PRKAA2: variants seen among roughly 807,000 people sequenced by gnomAD.
The protein encoded by PRKAA2 is 5'-AMP-activated protein kinase catalytic subunit alpha-2.
In PRKAA2, 40 loss-of-function variants were observed where a neutral mutation model predicts 56.3. That is an observed-to-expected ratio of 0.71 (90% CI 0.55 to 0.92). The LOEUF (loss-of-function observed/expected upper bound fraction) is 0.92, where lower values mean the gene tolerates loss of function less well. Ranked by LOEUF, PRKAA2 falls within the 40% of genes least tolerant of loss-of-function variation. The pLI is 0.00. For synonymous variants in PRKAA2, 214 were observed against 234.2 expected (o/e 0.91, Z 0.79); for missense variants, 542 against 686.9 (o/e 0.79, Z 2.36).
chr1:56,682,095 G>C (rs1217846401), intron 2 of PRKAA2, among the ~76,000 whole-genome samples: 1 of 152,024 alleles, frequency 6.6e-6, no homozygotes, highest in Non-Finnish European at 1.5e-5. Flanking sequence ...GGATTCCTAG[G>C]TATTTTATTC....
chr1:56,704,001 C>T lies in PRKAA2; in HGVS notation c.819C>T (p.Pro273=). The part of the protein sequence containing the change: ...REHEWFKQDL[P]SYLFPEDPSY... ...ATGAATGGTTTAAACAAGATTTGCC[C>T]AGTTACTTATTTCCTGAAGACCCTT... is the stretch of plus-strand genomic sequence containing the variant. The change falls in exon 7 of 9, where the codon CCC becomes CCT. Residue 273 remains proline (P), a synonymous_variant. Coordinates refer to ENST00000371244, the MANE Select transcript of PRKAA2 (RefSeq NM_006252.4). 1 of 1,611,590 alleles carries T rather than the reference C, an allele frequency of 6.2e-7. No homozygotes were observed. Among genetic ancestry groups the T allele is most frequent in the Non-Finnish European group, 8.5e-7 (1 of 1,178,598 alleles).
At chr1:56,662,418 AT>A (rs1276615166) in intron 1 of PRKAA2, among the ~76,000 whole-genome samples, 1 of 152,036 alleles carries the variant, frequency 6.6e-6, no homozygotes, top group Admixed American at 6.5e-5. Context: ...TTTAATTTTA[AT>A]TTCAATTTTT....
rs1425530750 is a variant in PRKAA2 at position 56,714,875 on chromosome 1, A to T, written c.*7162A>T. On this transcript the variant is annotated 3_prime_UTR_variant, in exon 9 of 9. Transcript: ENST00000371244. ...ATAATATTTACTTTTTTTCAAAAAC[A>T]TCCTGCATTCATTCATTCTTAGCAT... 6.6e-6 allele frequency: 1 copy of T among 152,130 alleles called. No individual in the cohort carries two copies. The highest frequency in any genetic ancestry group is 1.5e-5 in the Non-Finnish European group (1 of 67,992). The allele number at this position is 152,130 out of a possible 1,614,324, so 9.4% of individuals were successfully genotyped here.
Position 56,696,022 on chromosome 1 carries a change from G to T in PRKAA2, c.651G>T (p.Glu217Asp). 1 of 1,611,932 alleles carries T rather than the reference G, an allele frequency of 6.2e-7. No homozygotes were observed. Among genetic ancestry groups the T allele is most frequent in the Non-Finnish European group, 8.5e-7 (1 of 1,179,656 alleles). ...GTGGCACCCTCCCATTTGATGATGA[G>T]CATGTACCTACGTTATTTAAGAAGA... The part of the protein sequence containing the change: ...LLCGTLPFDD[E>D]HVPTLFKKIR... The change falls in exon 6 of 9, where the codon GAG becomes GAT. Residue 217 changes from glutamate to aspartate, a missense_variant. Coordinates refer to ENST00000371244, the MANE Select transcript of PRKAA2 (RefSeq NM_006252.4).
chr1:56,676,658 T>C (rs1644114993), intron 2 of PRKAA2, among the ~76,000 whole-genome samples: 1 of 152,236 alleles, frequency 6.6e-6, no homozygotes, highest in African/African-American at 2.4e-5. Context: ...CTTGAAATCC[T>C]TAAATAAATG....
intron 1 of PRKAA2, among the ~76,000 whole-genome samples, chr1:56,673,026 A>T (rs1476331802): frequency 3.3e-5 from 5 of 152,146 alleles, no homozygotes; most frequent in African/African-American, 1.2e-4. Context: ...GATGGGTTCA[A>T]GGCCAAAGTT....
intron 1 of PRKAA2, among the ~76,000 whole-genome samples, chr1:56,660,061 A>G (rs1409756655): frequency 6.6e-6 from 1 of 152,180 alleles, no homozygotes; most frequent in Non-Finnish European, 1.5e-5. Flanking sequence ...TGCTTTCTTC[A>G]TGTATCATCA....
chr1:56,676,703 ATT>A (rs1644116085), intron 2 of PRKAA2, among the ~76,000 whole-genome samples: 1 of 152,186 alleles, frequency 6.6e-6, no homozygotes, highest in Non-Finnish European at 1.5e-5. Context: ...TGGAACATTC[ATT>A]TAGTCTTTAC....
intron 1 of PRKAA2, among the ~76,000 whole-genome samples, chr1:56,657,248 G>T (rs1159777615): frequency 6.6e-6 from 1 of 152,106 alleles, no homozygotes; most frequent in Non-Finnish European, 1.5e-5. Context: ...TCTTCAAAGG[G>T]ACAGTAATAA....
intron 6 of PRKAA2, among the ~76,000 whole-genome samples, chr1:56,702,521 CT>C (rs1644303840): frequency 6.6e-6 from 1 of 152,176 alleles, no homozygotes; most frequent in Non-Finnish European, 1.5e-5. Context: ...ATGAGATTTC[CT>C]TTTTATGGCC....
chr1:56,697,775 C>T (rs1390000482), intron 6 of PRKAA2, among the ~76,000 whole-genome samples: 3 of 151,322 alleles, frequency 2.0e-5, no homozygotes, highest in Admixed American at 2.0e-4. Flanking sequence ...CTAGCCTGGT[C>T]AACATAGTAA....
chr1:56,692,028 A>AT (rs397863487), intron 3 of PRKAA2, among the ~76,000 whole-genome samples: 31,596 of 112,736 alleles, frequency 0.28, 5,312 homozygotes, highest in Middle Eastern at 0.35. Context: ...GATGTCTCAG[A>AT]TTTTTTTTTT....
At chr1:56,674,772 A>G (rs1644102075) in intron 2 of PRKAA2, among the ~76,000 whole-genome samples, 1 of 151,970 alleles carries the variant, frequency 6.6e-6, no homozygotes, top group Non-Finnish European at 1.5e-5. Context: ...ATGTTTCTAA[A>G]TTAGTACATC....
intron 2 of PRKAA2, among the ~76,000 whole-genome samples, chr1:56,688,538 A>G (rs1040903470): frequency 1.3e-5 from 2 of 152,188 alleles, no homozygotes; most frequent in African/African-American, 4.8e-5. Flanking sequence ...GCTGAGATCT[A>G]AAGGATGATT....
intron 1 of PRKAA2, 38 bp from the exon 2 acceptor site, chr1:56,674,343 T>A: frequency 2.7e-6 from 4 of 1,491,304 alleles, no homozygotes; most frequent in Non-Finnish European, 3.6e-6. Flanking sequence ...ATTATGTTGA[T>A]ATGATAGCAC....
Position 56,707,782 on chromosome 1 carries a change from T to C in PRKAA2, c.*69T>C, listed in dbSNP as rs1170145493. On this transcript the variant is annotated 3_prime_UTR_variant, in exon 9 of 9. Transcript: ENST00000371244. Reference sequence around the variant, plus strand: ...TATATTCTTTAAATTTTTATCTTACTTTTGGATAATATCCACTGCAATACT... The same window carrying C: ...TATATTCTTTAAATTTTTATCTTACCTTTGGATAATATCCACTGCAATACT... 2 of 1,354,136 alleles carry C rather than the reference T, an allele frequency of 1.5e-6. No homozygotes were observed. Among genetic ancestry groups the C allele is most frequent in the African/African-American group, 2.9e-5 (2 of 68,474 alleles). 83.9% of individuals were successfully genotyped at this position (1,354,136 alleles called of 1,614,324 possible). A position where few individuals can be genotyped will look rare whatever the true frequency, so the allele number is the denominator to read the frequency against.
At chr1:56,652,091 C>A (rs1285949894) in intron 1 of PRKAA2, among the ~76,000 whole-genome samples, 1 of 149,690 alleles carries the variant, frequency 6.7e-6, no homozygotes, top group Non-Finnish European at 1.5e-5. Flanking sequence ...CGGCTCACTA[C>A]AACCTCTGCC....
rs1644386729 is a variant in PRKAA2, at chr1:56,713,867, AAAC to A, written c.*6156_*6158del. On this transcript the variant is annotated 3_prime_UTR_variant, in exon 9 of 9. Transcript: ENST00000371244. ...CTGTTCTAAAAAAAAAAAAAAAAAA[AAAC>A]ACTAAATTGTGCCTTCTCCCTTAAA... 1 of 151,548 alleles carries A rather than the reference AAAC, an allele frequency of 6.6e-6. No homozygotes were observed. The highest frequency in any genetic ancestry group is 1.5e-5 in the Non-Finnish European group (1 of 67,890). The allele number at this position is 151,548 out of a possible 1,614,324, so 9.4% of individuals were successfully genotyped here. A position where few individuals can be genotyped will look rare whatever the true frequency, so the allele number is the denominator to read the frequency against.
At position 56,663,549 on chromosome 1, in the gene PRKAA2, A is replaced by G. The variant is rs117834753; in HGVS notation, c.95-10832A>G. On this transcript the variant is annotated intron_variant, in intron 1 of 8. Transcript: ENST00000371244. The stretch of plus-strand genomic sequence containing the variant: ...AGAAATGCTTCAGGATATTGAAGCT[A>G]CCTATTTAAAATTTCCATTGAGAGC... 9.9e-5 allele frequency among the ~76,000 whole-genome samples: 15 copies of G among 152,224 alleles called. No individual in the cohort carries two copies. The East Asian group carries it at 2.9e-3, about 29-fold the overall frequency.
Sources: allele counts gnomAD v4.1 joint callset (sites outside exome capture counted in the v4.1 genomes callset), GRCh38; gene constraint gnomAD v4.1.1; transcripts MANE v1.5; gene names NCBI Gene and HGNC (gene_info 2026-07-23, HGNC 2026-07-21).